ANKRD30B: variants seen among roughly 807,000 people sequenced by gnomAD.
The protein encoded by ANKRD30B is ankyrin repeat domain-containing protein 30B.
ANKRD30B carries 144 observed loss-of-function variants against 202.2 expected under a neutral mutation model. The observed-to-expected ratio is 0.71, with a 90% CI of 0.62 to 0.82. The LOEUF (loss-of-function observed/expected upper bound fraction) is 0.82, where lower values mean the gene tolerates loss of function less well. Ranked by LOEUF, ANKRD30B falls within the 40% of genes least tolerant of loss-of-function variation. The pLI is 0.00. For synonymous variants in ANKRD30B, 508 were observed against 561.3 expected, an observed-to-expected ratio of 0.91 and a Z score of 1.34; for missense variants, 1,487 against 1,669.1, an observed-to-expected ratio of 0.89 and a Z score of 1.90.
chr18:14,794,685 T>G (rs1380924497), intron 16 of ANKRD30B, among the ~76,000 whole-genome samples: 2 of 152,154 alleles, frequency 1.3e-5, no homozygotes, highest in Non-Finnish European at 2.9e-5. Flanking sequence ...TTTTAAGCAC[T>G]TTTTTTCTAA....
At chr18:14,789,404 A>C (rs1034318056) in intron 15 of ANKRD30B, among the ~76,000 whole-genome samples, 1 of 152,018 alleles carries the variant, frequency 6.6e-6, no homozygotes, top group African/African-American at 2.4e-5. Flanking sequence ...ATGAGATCCC[A>C]TTTGTCAATT....
At chr18:14,786,232 A>G (rs1968078200) in intron 14 of ANKRD30B, among the ~76,000 whole-genome samples, 2 of 152,148 alleles carry the variant, frequency 1.3e-5, no homozygotes, top group African/African-American at 4.8e-5. Flanking sequence ...TATTTTTGGT[A>G]TAAATTCATT....
chr18:14,919,176 A>G, the ANKRD30B span, among the ~76,000 whole-genome samples: 1 of 152,242 alleles, frequency 6.6e-6, no homozygotes, highest in Non-Finnish European at 1.5e-5. Context: ...ATAAGGGATT[A>G]GGGCAAGGAC....
chr18:14,902,733 T>C, the ANKRD30B span, among the ~76,000 whole-genome samples: 1 of 152,162 alleles, frequency 6.6e-6, no homozygotes, highest in Non-Finnish European at 1.5e-5. Context: ...GCCATTTCAC[T>C]TGCACACTCA....
the ANKRD30B span, among the ~76,000 whole-genome samples, chr18:14,934,948 A>ACACC: frequency 2.7e-3 from 345 of 126,492 alleles, 5 homozygotes; most frequent in African/African-American, 0.011. Context: ...ACACACACAC[A>ACACC]CCCCATCGTG....
At chr18:14,790,368 G>A (rs1168586041) in intron 15 of ANKRD30B, among the ~76,000 whole-genome samples, 2 of 152,078 alleles carry the variant, frequency 1.3e-5, no homozygotes, top group African/African-American at 2.4e-5. Flanking sequence ...TTTCCTAATT[G>A]AATACCCTTT....
intron 32 of ANKRD30B, among the ~76,000 whole-genome samples, chr18:14,827,705 T>C (rs1017753678): frequency 1.3e-5 from 2 of 152,192 alleles, no homozygotes; most frequent in African/African-American, 4.8e-5. Context: ...TTCTAGTCCA[T>C]TTGTCTAGAA....
chr18:14,875,420 C>A, the ANKRD30B span, among the ~76,000 whole-genome samples: 2 of 152,114 alleles, frequency 1.3e-5, no homozygotes, highest in Non-Finnish European at 2.9e-5. Flanking sequence ...AGTGCCAGGC[C>A]ATGTTCAGAA....
intron 39 of ANKRD30B, among the ~76,000 whole-genome samples, chr18:14,847,053 TATATA>T (rs1568072728): frequency 0.018 from 252 of 14,214 alleles, 2 homozygotes; most frequent in African/African-American, 0.067. Context: ...TTTAGTTTTA[TATATA>T]TATATATATA....
intron 15 of ANKRD30B, 136 bp downstream of exon 15, chr18:14,787,236 T>C: frequency 1.4e-6 from 1 of 723,608 alleles, no homozygotes; most frequent in South Asian, 2.0e-5. Context: ...CAGAATACGC[T>C]TAATAGAGAA....
chr18:14,816,326 C>T (rs1239894097), intron 30 of ANKRD30B: 1 of 151,808 alleles, frequency 6.6e-6, no homozygotes, highest in Non-Finnish European at 1.5e-5. Flanking sequence ...TTTTTTTGTT[C>T]AGCGATTAGC....
intron 6 of ANKRD30B, among the ~76,000 whole-genome samples, chr18:14,762,179 G>A (rs1230860623): frequency 3.3e-5 from 5 of 152,216 alleles, no homozygotes; most frequent in Non-Finnish European, 5.9e-5. Flanking sequence ...GGAGAAGGCA[G>A]AGGAGAGATT....
the ANKRD30B span, among the ~76,000 whole-genome samples, chr18:14,932,560 G>C: frequency 1.3e-5 from 2 of 152,034 alleles, no homozygotes; most frequent in African/African-American, 4.8e-5. Context: ...GGATGTTTTT[G>C]ATCTCCAGAC....
In ANKRD30B at chr18:14,763,745, A is replaced by G. The variant is rs756736048; in HGVS notation, c.880A>G (p.Thr294Ala). 6.2e-7 allele frequency: 1 copy of G among 1,614,094 alleles called. No individual in the cohort carries two copies. The highest frequency in any genetic ancestry group is 1.1e-5 in the South Asian group (1 of 91,044). ...ACCCTTGGCGGAAAGAACACCTGACACGGCTGAAAGCTTGCTGGAAAAAAC... is the reference window on the plus strand; with the variant it reads ...ACCCTTGGCGGAAAGAACACCTGACGCGGCTGAAAGCTTGCTGGAAAAAAC... ...AAPLAERTPD[T>A]AESLLEKTPD... Residue 294 changes from threonine to alanine, a missense_variant, in exon 7 of 44, where the codon ACG becomes GCG. Physicochemically the swap from Thr to Ala is moderately conservative, Grantham distance 58. Around this residue, in one of 6 missense-constraint regions of ANKRD30B, gnomAD observed 889 missense variants for 841.4 expected, o/e 1.06. Coordinates refer to ENST00000690538, the MANE Select transcript of ANKRD30B (RefSeq NM_001367607.2).
the ANKRD30B span, among the ~76,000 whole-genome samples, chr18:14,926,065 T>A: frequency 6.6e-6 from 1 of 152,204 alleles, no homozygotes; most frequent in South Asian, 2.1e-4. Context: ...TAAACCTCAA[T>A]TGCATTCCTC....
chr18:14,840,815 G>A (rs1366246699), intron 37 of ANKRD30B, 137 bp downstream of exon 37: 1 of 488,384 alleles, frequency 2.0e-6, no homozygotes, highest in African/African-American at 2.0e-5. Flanking sequence ...TGAAAGTTAT[G>A]TGTCTTCTCA....
At chr18:14,750,677 T>TGTA in intron 1 of ANKRD30B, among the ~76,000 whole-genome samples, 1 of 152,250 alleles carries the variant, frequency 6.6e-6, no homozygotes, top group South Asian at 2.1e-4. Context: ...AAAGAATCCA[T>TGTA]TTAATGGCTT....
At chr18:14,873,750 T>C in the ANKRD30B span, among the ~76,000 whole-genome samples, 1 of 152,122 alleles carries the variant, frequency 6.6e-6, no homozygotes, top group Non-Finnish European at 1.5e-5. Context: ...TCTTTATTAT[T>C]AATAGCATTA....
chr18:14,905,657 C>T, the ANKRD30B span: 1 of 152,108 alleles, frequency 6.6e-6, no homozygotes, highest in Admixed American at 6.6e-5. Flanking sequence ...TGGCAAAGAC[C>T]TAGAAAGGGA....
Sources: gnomAD v4.1 joint callset for allele counts (sites outside exome capture counted in the v4.1 genomes callset) on GRCh38, gnomAD v4.1.1 for gene constraint, gnomAD v4.1.1 regional missense constraint, MANE v1.5 for transcripts, NCBI Gene and HGNC (gene_info 2026-07-23, HGNC 2026-07-21) for gene names.